SMYD3: variants seen among roughly 807,000 people sequenced by gnomAD.
The protein encoded by SMYD3 is histone-lysine N-methyltransferase SMYD3.
A neutral mutation model predicts 57.7 loss-of-function variants in SMYD3; 36 were observed. The observed-to-expected ratio is 0.62, with a 90% CI of 0.48 to 0.82. The LOEUF is 0.82. Ranked by LOEUF, SMYD3 falls within the 40% of genes least tolerant of loss-of-function variation. The probability of loss-of-function intolerance (pLI) is 0.00; values close to 1 mark genes in which losing one functional copy is unlikely to be tolerated. For synonymous variants in SMYD3, 211 were observed against 195.0 expected (o/e 1.08, Z -0.68); for missense variants, 515 against 538.8 (o/e 0.96, Z 0.44).
At chr1:246,372,114 T>C (rs2066202324) in intron 1 of SMYD3, among the ~76,000 whole-genome samples, 1 of 152,220 alleles carries the variant, frequency 6.6e-6, no homozygotes, top group Non-Finnish European at 1.5e-5. Flanking sequence ...TTAAGAGACA[T>C]GGAATTAAAT....
chr1:246,191,084 G>A (rs1024938965), intron 5 of SMYD3, among the ~76,000 whole-genome samples: 19 of 152,318 alleles, frequency 1.2e-4, no homozygotes, highest in African/African-American at 4.3e-4. Flanking sequence ...CGGAGAAAAC[G>A]CACCTCACGG....
At chr1:246,257,076 TGAAC>T (rs2063908641) in intron 5 of SMYD3, among the ~76,000 whole-genome samples, 1 of 152,244 alleles carries the variant, frequency 6.6e-6, no homozygotes, top group Non-Finnish European at 1.5e-5. Flanking sequence ...GCTTTATGGC[TGAAC>T]ATGTGGTCAA....
chr1:245,851,502 G>A (rs547956233), intron 10 of SMYD3, among the ~76,000 whole-genome samples: 1 of 152,218 alleles, frequency 6.6e-6, no homozygotes, highest in East Asian at 1.9e-4. Flanking sequence ...TCTCCTACCG[G>A]CCAAGGCATA....
Position 246,168,904 on chromosome 1 carries a change from T to C in SMYD3, c.531+158297A>G, listed in dbSNP as rs144347307. Among the ~76,000 whole-genome samples the C allele has an allele frequency of 4.0e-3, 606 of 152,330 alleles. 5 individuals are homozygous for C. Among genetic ancestry groups the C allele is most frequent in the South Asian group, 0.013 (65 of 4,822 alleles). ...TACAAAGGCCCCTGTGTTCCAGTTC[T>C]ATCCCATACTTGAAAAACAAAGGCT... On this transcript the variant is annotated intron_variant, in intron 5 of 11. Transcript: ENST00000490107.
intron 5 of SMYD3, among the ~76,000 whole-genome samples, chr1:246,208,240 A>G (rs745590712): frequency 6.6e-6 from 1 of 152,138 alleles, no homozygotes; most frequent in African/African-American, 2.4e-5. Context: ...AAATTAAATA[A>G]GGAGAGTTTG....
At chr1:245,910,524 A>G (rs887465527) in intron 8 of SMYD3, among the ~76,000 whole-genome samples, 1 of 152,084 alleles carries the variant, frequency 6.6e-6, no homozygotes, top group Non-Finnish European at 1.5e-5. Flanking sequence ...TGACTTGAAA[A>G]TGCTCTATAA....
intron 10 of SMYD3, among the ~76,000 whole-genome samples, chr1:245,849,427 G>C (rs1444366935): frequency 6.6e-6 from 1 of 152,066 alleles, no homozygotes; most frequent in African/African-American, 2.4e-5. Flanking sequence ...GGGGGTTTGG[G>C]GGGCAGATCT....
intron 5 of SMYD3, among the ~76,000 whole-genome samples, chr1:246,023,639 A>G (rs1015512547): frequency 4.6e-5 from 7 of 152,190 alleles, no homozygotes; most frequent in Non-Finnish European, 1.5e-5. Context: ...TAGAAGAATG[A>G]AGCTCTTGCT....
At chr1:245,928,628 C>A (rs901784073) in intron 6 of SMYD3, among the ~76,000 whole-genome samples, 2 of 151,878 alleles carry the variant, frequency 1.3e-5, no homozygotes, top group East Asian at 3.9e-4. Context: ...GAGCCGAGAT[C>A]GCACCACTGC....
intron 5 of SMYD3, among the ~76,000 whole-genome samples, chr1:246,106,994 T>C (rs1045210790): frequency 3.9e-5 from 6 of 152,182 alleles, no homozygotes; most frequent in African/African-American, 1.4e-4. Context: ...GGGCATATAA[T>C]AGGCTCTTAA....
chr1:245,839,916 C>T (rs1479221807), intron 10 of SMYD3, among the ~76,000 whole-genome samples: 1 of 151,880 alleles, frequency 6.6e-6, no homozygotes, highest in Non-Finnish European at 1.5e-5. Flanking sequence ...AATAGGGAGC[C>T]ATGAAAAAGG....
chr1:246,014,869 T>C (rs763075548), intron 5 of SMYD3, among the ~76,000 whole-genome samples: 4 of 152,054 alleles, frequency 2.6e-5, no homozygotes, highest in African/African-American at 4.8e-5. Context: ...ACTTGTTCAT[T>C]GGAGTTCCCT....
intron 5 of SMYD3, among the ~76,000 whole-genome samples, chr1:246,160,248 A>G (rs545222523): frequency 6.6e-6 from 1 of 152,178 alleles, no homozygotes; most frequent in African/African-American, 2.4e-5. Flanking sequence ...ATTTGTTCTA[A>G]TATTTTCATT....
intron 10 of SMYD3, among the ~76,000 whole-genome samples, chr1:245,828,482 TA>T (rs1291230286): frequency 6.6e-6 from 1 of 152,128 alleles, no homozygotes; most frequent in Non-Finnish European, 1.5e-5. Flanking sequence ...TTGAACACAT[TA>T]TTTTTTTTTG....
rs576265631 is a variant in SMYD3, at chr1:245,954,639, C to G, written c.532-24702G>C. ...GTTGCAGTGAGCCAATATAGCACCA[C>G]TGCAGCCACTGTCCAGCCTTGGTGA... On this transcript the variant is annotated intron_variant, in intron 5 of 11. Transcript: ENST00000490107. Among the ~76,000 whole-genome samples, 3 of 152,282 alleles carry G rather than the reference C, an allele frequency of 2.0e-5. No individual in the cohort carries two copies. The South Asian group carries it at 6.2e-4, about 32-fold the overall frequency.
chr1:246,283,498 C>T lies in SMYD3; in HGVS notation c.531+43703G>A, dbSNP rs560458355. On this transcript the variant is annotated intron_variant, in intron 5 of 11. Transcript: ENST00000490107. ...CATCTTGCTTTCCTTCCTCACCACC[C>T]CTGCCTGCCAATAATCAGAGCCATG... 2.9e-3 allele frequency among the ~76,000 whole-genome samples: 447 copies of T among 152,302 alleles called. 3 individuals carry two copies. Among genetic ancestry groups the T allele is most frequent in the Middle Eastern group, 6.8e-3 (2 of 294 alleles).
At chr1:245,912,915 G>A (rs568785421) in intron 8 of SMYD3, among the ~76,000 whole-genome samples, 54 of 152,324 alleles carry the variant, frequency 3.5e-4, no homozygotes, top group African/African-American at 1.2e-3. Context: ...CAGTTGGTGG[G>A]ACTGTAAACT....
chr1:246,189,372 C>A (rs2062696538), intron 5 of SMYD3, among the ~76,000 whole-genome samples: 1 of 152,192 alleles, frequency 6.6e-6, no homozygotes, highest in Non-Finnish European at 1.5e-5. Context: ...AGCAAGGGAA[C>A]AACGCAAGTG....
At chr1:245,757,358 T>G (rs745805319) in intron 11 of SMYD3, among the ~76,000 whole-genome samples, 11 of 152,022 alleles carry the variant, frequency 7.2e-5, no homozygotes, top group African/African-American at 2.4e-4. Flanking sequence ...TGTATGTATA[T>G]ATCCCATTCT....
Sources: gnomAD v4.1 joint callset for allele counts (sites outside exome capture counted in the v4.1 genomes callset) on GRCh38, gnomAD v4.1.1 for gene constraint, MANE v1.5 for transcripts, NCBI Gene and HGNC (gene_info 2026-07-23, HGNC 2026-07-21) for gene names.